Variants in NLGN1 observed in about 807,000 individuals in gnomAD.
NLGN1 encodes neuroligin 1.
In NLGN1, 12 loss-of-function variants were observed where a neutral mutation model predicts 65.5. That is an observed-to-expected ratio of 0.18 (90% CI 0.12 to 0.30). NLGN1 has a LOEUF of 0.30. Ranked by LOEUF, NLGN1 falls within the 10% of genes least tolerant of loss-of-function variation. The probability of loss-of-function intolerance (pLI) is 1.00; values close to 1 mark genes in which losing one functional copy is unlikely to be tolerated. For missense variants in NLGN1, 750 were observed against 1,007.1 expected, an observed-to-expected ratio of 0.74 and a Z score of 3.46; for synonymous variants, 350 against 359.5, an observed-to-expected ratio of 0.97 and a Z score of 0.30.
intron 3 of NLGN1, among the ~76,000 whole-genome samples, chr3:173,759,255 C>G (rs1777597265): frequency 6.6e-6 from 1 of 151,874 alleles, no homozygotes; most frequent in South Asian, 2.1e-4. Flanking sequence ...TAATTAACAA[C>G]TCATCATGGA....
intron 4 of NLGN1, among the ~76,000 whole-genome samples, chr3:174,093,449 G>A (rs948380265): frequency 3.3e-5 from 5 of 152,174 alleles, no homozygotes; most frequent in Non-Finnish European, 5.9e-5. Context: ...TGAGCTATGC[G>A]TTAGAGGAAG....
At chr3:173,628,026 C>G (rs961828658) in intron 3 of NLGN1, among the ~76,000 whole-genome samples, 7 of 152,092 alleles carry the variant, frequency 4.6e-5, no homozygotes, top group Non-Finnish European at 4.4e-5. Context: ...GGTTCTCTTC[C>G]TGTCAGGTAT....
intron 2 of NLGN1, among the ~76,000 whole-genome samples, chr3:173,475,210 T>G (rs1725988087): frequency 6.6e-6 from 1 of 152,176 alleles, no homozygotes; most frequent in African/African-American, 2.4e-5. Context: ...ATTTCTAAAC[T>G]AACGTTATTT....
intron 2 of NLGN1, among the ~76,000 whole-genome samples, chr3:173,451,982 G>C (rs192672727): frequency 6.6e-6 from 1 of 152,194 alleles, no homozygotes; most frequent in Non-Finnish European, 1.5e-5. Context: ...CTAGGAAAGG[G>C]AATTCCCTGA....
intron 3 of NLGN1, among the ~76,000 whole-genome samples, chr3:173,733,990 A>G (rs1773298967): frequency 6.6e-6 from 1 of 152,086 alleles, no homozygotes; most frequent in Admixed American, 6.6e-5. Flanking sequence ...ATGACAAAAG[A>G]TATAATATTA....
At chr3:173,433,682 AG>A (rs1410066956) in intron 1 of NLGN1, among the ~76,000 whole-genome samples, 15 of 151,818 alleles carry the variant, frequency 9.9e-5, no homozygotes, top group Admixed American at 9.8e-4. Flanking sequence ...TTGTATGTTG[AG>A]TGTTTAATTT....
intron 4 of NLGN1, among the ~76,000 whole-genome samples, chr3:173,884,446 A>T (rs970444400): frequency 2.6e-5 from 4 of 152,116 alleles, no homozygotes; most frequent in African/African-American, 4.8e-5. Context: ...ATATGTTCGT[A>T]ATGATCTTTA....
At chr3:173,603,603 T>C (rs892876744) in intron 2 of NLGN1, among the ~76,000 whole-genome samples, 3 of 152,126 alleles carry the variant, frequency 2.0e-5, no homozygotes, top group African/African-American at 7.2e-5. Flanking sequence ...TCTATCCCTT[T>C]TACAAATTGT....
chr3:173,398,966 A>T (rs1717141889), intron 1 of NLGN1, among the ~76,000 whole-genome samples: 1 of 152,224 alleles, frequency 6.6e-6, no homozygotes, highest in Admixed American at 6.5e-5. Context: ...CCTATGTTTG[A>T]GTGTAAAACC....
At chr3:173,915,415 T>C (rs939324333) in intron 4 of NLGN1, among the ~76,000 whole-genome samples, 1 of 152,194 alleles carries the variant, frequency 6.6e-6, no homozygotes, top group African/African-American at 2.4e-5. Flanking sequence ...TGTTTACTCT[T>C]GACAGATCAG....
At chr3:174,096,217 A>T (rs1745494633) in intron 4 of NLGN1, among the ~76,000 whole-genome samples, 3 of 149,632 alleles carry the variant, frequency 2.0e-5, no homozygotes. Flanking sequence ...ATATGTGTAT[A>T]TGTATATATG....
chr3:174,290,150 A>G (rs1003641189), downstream of NLGN1, among the ~76,000 whole-genome samples: 1 of 150,688 alleles, frequency 6.6e-6, no homozygotes, highest in African/African-American at 2.4e-5. Context: ...TACAGACTTT[A>G]GGTGAGTAAG....
At chr3:173,830,341 C>CA (rs1387579584) in intron 4 of NLGN1, among the ~76,000 whole-genome samples, 1 of 152,132 alleles carries the variant, frequency 6.6e-6, no homozygotes, top group Non-Finnish European at 1.5e-5. Context: ...GAATCTGTAT[C>CA]ATCAAAATGA....
At chr3:173,729,187 G>C (rs185755041) in intron 3 of NLGN1, among the ~76,000 whole-genome samples, 4 of 152,136 alleles carry the variant, frequency 2.6e-5, no homozygotes, top group African/African-American at 9.6e-5. Flanking sequence ...GAGCCACCAA[G>C]CAAGTTATCT....
At chr3:174,164,247 G>GCC (rs1727111496) in intron 4 of NLGN1, among the ~76,000 whole-genome samples, 2 of 151,972 alleles carry the variant, frequency 1.3e-5, no homozygotes, top group Non-Finnish European at 2.9e-5. Context: ...CTTTTGAGAG[G>GCC]TGTCTGTTCC....
intron 4 of NLGN1, among the ~76,000 whole-genome samples, chr3:173,815,581 C>T (rs1560427265): frequency 6.6e-6 from 1 of 152,076 alleles, no homozygotes; most frequent in African/African-American, 2.4e-5. Context: ...CAGGATTTTC[C>T]TCCTACCTCC....
chr3:173,959,887 A>C (rs577571144), intron 4 of NLGN1, among the ~76,000 whole-genome samples: 1 of 152,200 alleles, frequency 6.6e-6, no homozygotes, highest in South Asian at 2.1e-4. Flanking sequence ...CTATGGCCTA[A>C]ATATTTTCAC....
intron 4 of NLGN1, among the ~76,000 whole-genome samples, chr3:173,862,599 G>A (rs766228114): frequency 1.2e-4 from 18 of 150,416 alleles, no homozygotes; most frequent in South Asian, 2.1e-4. Context: ...TAGAGGGTAC[G>A]CATATATGTT....
intron 4 of NLGN1, among the ~76,000 whole-genome samples, chr3:174,193,510 C>A (rs1360321332): frequency 6.6e-6 from 1 of 152,078 alleles, no homozygotes; most frequent in South Asian, 2.1e-4. Context: ...ACAAAGGAAA[C>A]AGTTTTGTCA....
Sources: allele counts gnomAD v4.1 joint callset (sites outside exome capture counted in the v4.1 genomes callset), GRCh38; gene constraint gnomAD v4.1.1; transcripts MANE v1.5; gene names NCBI Gene and HGNC (gene_info 2026-07-23, HGNC 2026-07-21).